PPP1R9A: variants seen among roughly 807,000 people sequenced by gnomAD.
PPP1R9A encodes the protein protein phosphatase 1 regulatory subunit 9A.
In PPP1R9A, 59 loss-of-function variants were observed where a neutral mutation model predicts 141.9. The observed-to-expected ratio is 0.42, with a 90% CI of 0.34 to 0.52. The LOEUF is 0.52. PPP1R9A is among the 20% of genes least tolerant of loss of function. PPP1R9A has a pLI of 0.10. For synonymous variants in PPP1R9A, 500 were observed against 569.7 expected (o/e 0.88, Z 1.74); for missense variants, 1,444 against 1,611.9 (o/e 0.90, Z 1.78).
chr7:94,937,828 C>T (rs1170903955), intron 2 of PPP1R9A, among the ~76,000 whole-genome samples: 1 of 152,006 alleles, frequency 6.6e-6, no homozygotes, highest in Non-Finnish European at 1.5e-5. Flanking sequence ...CAGTTTTTTC[C>T]TCTGTAAAAT....
chr7:95,017,662 A>C (rs1805294990), intron 2 of PPP1R9A, among the ~76,000 whole-genome samples: 1 of 152,172 alleles, frequency 6.6e-6, no homozygotes, highest in South Asian at 2.1e-4. Flanking sequence ...AAGAAGTTTA[A>C]AAAAAAGAAG....
intron 4 of PPP1R9A, among the ~76,000 whole-genome samples, chr7:95,132,091 T>A (rs1824750735): frequency 6.6e-6 from 1 of 152,194 alleles, no homozygotes; most frequent in Non-Finnish European, 1.5e-5. Context: ...AGCTTTTTGG[T>A]GGAGTCTTTA....
intron 4 of PPP1R9A, among the ~76,000 whole-genome samples, chr7:95,140,766 G>T (rs1233725591): frequency 6.6e-6 from 1 of 152,156 alleles, no homozygotes; most frequent in Non-Finnish European, 1.5e-5. Flanking sequence ...AGGCTGGAGT[G>T]CAGTGGCACA....
At chr7:95,167,288 C>G (rs1831409851) in intron 5 of PPP1R9A, among the ~76,000 whole-genome samples, 1 of 152,134 alleles carries the variant, frequency 6.6e-6, no homozygotes, top group Non-Finnish European at 1.5e-5. Flanking sequence ...GACCTGTCCC[C>G]ATAATTCAAT....
At chr7:95,036,514 T>A (rs10953135) in intron 2 of PPP1R9A, 81,398 of 151,958 alleles carry the variant, frequency 0.54, 22,523 homozygotes, top group African/African-American at 0.63. Flanking sequence ...TGCAACTGTG[T>A]GTTATGAATA....
chr7:95,020,038 C>CATT (rs1281877893), intron 2 of PPP1R9A, among the ~76,000 whole-genome samples: 1 of 120,196 alleles, frequency 8.3e-6, no homozygotes, highest in Admixed American at 8.8e-5. Flanking sequence ...ATGGCTATAT[C>CATT]ATTATCATCA....
intron 2 of PPP1R9A, among the ~76,000 whole-genome samples, chr7:95,092,337 T>C (rs1302382239): frequency 1.4e-5 from 2 of 142,908 alleles, no homozygotes; most frequent in Non-Finnish European, 3.0e-5. Flanking sequence ...CTGTATCTTA[T>C]ACTACACGCT....
At chr7:94,997,965 T>C (rs1462627008) in intron 2 of PPP1R9A, among the ~76,000 whole-genome samples, 3 of 152,170 alleles carry the variant, frequency 2.0e-5, no homozygotes, top group African/African-American at 7.2e-5. Flanking sequence ...GCCTGTTGTC[T>C]CAATGTTTGA....
intron 2 of PPP1R9A, among the ~76,000 whole-genome samples, chr7:95,040,927 A>G (rs1053983054): frequency 6.6e-6 from 1 of 152,138 alleles, no homozygotes; most frequent in Non-Finnish European, 1.5e-5. Flanking sequence ...CCAGAATAAA[A>G]TCTACCTCTT....
chr7:95,195,248 G>A (rs954732213), intron 5 of PPP1R9A, among the ~76,000 whole-genome samples: 4 of 150,942 alleles, frequency 2.7e-5, no homozygotes, highest in African/African-American at 9.7e-5. Flanking sequence ...AAATCAGGCA[G>A]AGGCTTTTTA....
At chr7:95,194,381 A>G (rs1236335671) in intron 5 of PPP1R9A, among the ~76,000 whole-genome samples, 1 of 152,068 alleles carries the variant, frequency 6.6e-6, no homozygotes, top group African/African-American at 2.4e-5. Flanking sequence ...CTCATATTCT[A>G]GAATTCTAGA....
chr7:95,137,665 A>G (rs181123036), intron 4 of PPP1R9A, among the ~76,000 whole-genome samples: 1 of 152,300 alleles, frequency 6.6e-6, no homozygotes, highest in East Asian at 1.9e-4. Context: ...AGAAATCCCA[A>G]TCAAACTCTA....
chr7:94,974,296 A>G (rs139778825), intron 2 of PPP1R9A, among the ~76,000 whole-genome samples: 1 of 152,296 alleles, frequency 6.6e-6, no homozygotes, highest in African/African-American at 2.4e-5. Flanking sequence ...TGTAAATGGT[A>G]AACAAGTTCC....
At chr7:95,038,869 C>T (rs116764268) in intron 2 of PPP1R9A, among the ~76,000 whole-genome samples, 478 of 152,156 alleles carry the variant, frequency 3.1e-3, no homozygotes, top group African/African-American at 0.011. Context: ...AAATTCCCTC[C>T]GAGGAAGAGT....
chr7:95,188,239 C>T lies in PPP1R9A; in HGVS notation c.1755-10110C>T, dbSNP rs577909298. ...GTCCTTTCATCATTGTATGATTTCC[C>T]TCTTTGTCTTTTTTAACTGTTGTTG... On this transcript the variant is annotated intron_variant, in intron 5 of 19. Coordinates refer to ENST00000433360, the MANE Select transcript of PPP1R9A (RefSeq NM_001166160.2). 3.3e-5 allele frequency among the ~76,000 whole-genome samples: 5 copies of T among 152,176 alleles called. No homozygotes were observed. In the South Asian group the frequency reaches 8.3e-4, roughly 25 times the overall value.
intron 2 of PPP1R9A, among the ~76,000 whole-genome samples, chr7:95,096,676 T>A (rs1428645754): frequency 6.6e-6 from 1 of 152,144 alleles, no homozygotes; most frequent in Non-Finnish European, 1.5e-5. Context: ...GTCCCAGAGC[T>A]CCCCTACCTA....
At chr7:94,944,828 G>A (rs1414262614) in intron 2 of PPP1R9A, among the ~76,000 whole-genome samples, 1 of 151,978 alleles carries the variant, frequency 6.6e-6, no homozygotes, top group Non-Finnish European at 1.5e-5. Context: ...CTTTTCAGAT[G>A]TATATGGAAA....
intron 2 of PPP1R9A, among the ~76,000 whole-genome samples, chr7:94,948,516 A>G (rs1251714148): frequency 2.0e-5 from 3 of 152,068 alleles, no homozygotes; most frequent in Non-Finnish European, 2.9e-5. Context: ...GGTGTGTACC[A>G]TGACACATTT....
intron 7 of PPP1R9A, among the ~76,000 whole-genome samples, chr7:95,209,293 A>C (rs748192369): frequency 2.0e-5 from 3 of 152,216 alleles, no homozygotes; most frequent in Admixed American, 6.5e-5. Flanking sequence ...AAAATGGCTT[A>C]AAACTCTGTG....
Sources: allele counts gnomAD v4.1 joint callset (sites outside exome capture counted in the v4.1 genomes callset), GRCh38; gene constraint gnomAD v4.1.1; transcripts MANE v1.5; gene names NCBI Gene and HGNC (gene_info 2026-07-23, HGNC 2026-07-21).